The following TCF12 variants were observed in gnomAD, a reference collection of about 807,000 sequenced individuals.
TCF12 encodes transcription factor 12.
Under a neutral mutation model 86.0 loss-of-function variants are expected in TCF12, and 45 were observed. The ratio of observed to expected loss-of-function variants is 0.52; its 90% CI spans 0.41 to 0.67. The LOEUF is 0.67. Ranked by LOEUF, TCF12 falls within the 30% of genes least tolerant of loss-of-function variation. The pLI, the probability that TCF12 is intolerant of heterozygous loss-of-function variation, is 0.00. For missense variants in TCF12, 881 were observed against 859.9 expected (o/e 1.02, Z -0.31); for synonymous variants, 330 against 299.6 (o/e 1.10, Z -1.05).
chr15:57,247,296 C>G (rs2151988758), intron 13 of TCF12: 1 of 656,632 alleles, frequency 1.5e-6, no homozygotes, highest in Non-Finnish European at 2.8e-6. Flanking sequence ...CTGCTGCCAC[C>G]ACCTTCACCA....
intron 9 of TCF12, among the ~76,000 whole-genome samples, chr15:57,231,559 T>C (rs942571152): frequency 2.6e-5 from 4 of 152,168 alleles, no homozygotes; most frequent in Admixed American, 2.6e-4. Flanking sequence ...ATGAAAACTG[T>C]TAACTCTAGT....
At chr15:57,276,159 A>G (rs148535209) in intron 19 of TCF12, among the ~76,000 whole-genome samples, 27 of 152,342 alleles carry the variant, frequency 1.8e-4, no homozygotes, top group African/African-American at 5.5e-4. Context: ...TGAGAGAACT[A>G]TTAGATTTTC....
intron 5 of TCF12, among the ~76,000 whole-genome samples, chr15:57,136,259 A>G (rs1261084821): frequency 6.6e-6 from 1 of 152,242 alleles, no homozygotes; most frequent in Non-Finnish European, 1.5e-5. Flanking sequence ...TACCTAGGAC[A>G]TACACAGAAG....
intron 3 of TCF12, among the ~76,000 whole-genome samples, chr15:56,925,401 A>T (rs1421022718): frequency 6.6e-6 from 1 of 152,166 alleles, no homozygotes; most frequent in African/African-American, 2.4e-5. Context: ...ACACAAATTC[A>T]AGTTTCTGTC....
In TCF12 at chr15:57,073,215, C is replaced by T. The variant is rs144717919; in HGVS notation, c.222+9392C>T. 3.5e-4 allele frequency among the ~76,000 whole-genome samples: 53 copies of T among 152,236 alleles called. No individual in the cohort carries two copies. In the East Asian group the frequency reaches 9.7e-3, roughly 28 times the overall value. On this transcript the variant is annotated intron_variant, in intron 4 of 20. Coordinates refer to ENST00000333725, the MANE Select transcript of TCF12 (RefSeq NM_207037.2). ...ACATCTTGATCAGGACTGATCTAAT[C>T]TTTATAGTTTTCTTTTTTAATCTTC...
intron 6 of TCF12, among the ~76,000 whole-genome samples, chr15:57,169,024 C>T (rs2151558510): frequency 6.6e-6 from 1 of 152,130 alleles, no homozygotes; most frequent in East Asian, 1.9e-4. Context: ...CCAATCTGGG[C>T]AACAGAGGGA....
intron 3 of TCF12, among the ~76,000 whole-genome samples, chr15:56,983,234 T>G (rs1241869462): frequency 2.0e-5 from 3 of 152,204 alleles, no homozygotes. Flanking sequence ...TAGTCCACTG[T>G]AAGCCTCTCT....
intron 5 of TCF12, among the ~76,000 whole-genome samples, chr15:57,141,827 CAG>C (rs1220555821): frequency 3.3e-5 from 5 of 152,100 alleles, no homozygotes; most frequent in South Asian, 2.1e-4. Flanking sequence ...TGGCGGGACA[CAG>C]GGGCAGTTGC....
chr15:57,231,669 G>T (rs1016421047), intron 9 of TCF12, among the ~76,000 whole-genome samples: 79 of 152,076 alleles, frequency 5.2e-4, no homozygotes, highest in Non-Finnish European at 1.5e-4. Context: ...GAGAGAAAAA[G>T]TGTTGCATTT....
chr15:57,219,598 T>C, intron 8 of TCF12: 1 of 1,609,602 alleles, frequency 6.2e-7, no homozygotes, highest in Non-Finnish European at 8.5e-7. Flanking sequence ...ACGGTAAGCC[T>C]TTTTCTTTGT....
At chr15:57,219,637 A>G in intron 8 of TCF12, 1 of 1,578,722 alleles carries the variant, frequency 6.3e-7, no homozygotes, top group Non-Finnish European at 8.7e-7. Context: ...GTTTAAAGGA[A>G]AGCAGTATAC....
At chr15:56,979,269 A>G (rs2062768125) in intron 3 of TCF12, among the ~76,000 whole-genome samples, 1 of 152,304 alleles carries the variant, frequency 6.6e-6, no homozygotes, top group Admixed American at 6.5e-5. Flanking sequence ...ATGTTATTTG[A>G]AATTTTCATA....
At chr15:57,261,574 A>G (rs1250369327) in intron 16 of TCF12, among the ~76,000 whole-genome samples, 4 of 152,178 alleles carry the variant, frequency 2.6e-5, no homozygotes, top group African/African-American at 7.2e-5. Context: ...TTAATCTTCT[A>G]GTTGACACGT....
At chr15:57,284,657 A>G (rs2061855016) in intron 20 of TCF12, among the ~76,000 whole-genome samples, 1 of 152,248 alleles carries the variant, frequency 6.6e-6, no homozygotes, top group African/African-American at 2.4e-5. Context: ...AGCTGTGAAA[A>G]AGAGCACTAG....
intron 3 of TCF12, among the ~76,000 whole-genome samples, chr15:57,061,777 A>G (rs138826178): frequency 1.3e-5 from 2 of 152,212 alleles, no homozygotes; most frequent in East Asian, 1.9e-4. Flanking sequence ...TTAAAATACA[A>G]CTTTTCATAA....
At chr15:57,016,095 C>T (rs1019937981) in intron 3 of TCF12, among the ~76,000 whole-genome samples, 1 of 152,076 alleles carries the variant, frequency 6.6e-6, no homozygotes, top group Non-Finnish European at 1.5e-5. Flanking sequence ...TTACGTGTAC[C>T]CTGCAGGTAG....
At chr15:57,207,677 CA>C (rs1566916669) in intron 8 of TCF12, among the ~76,000 whole-genome samples, 1 of 152,072 alleles carries the variant, frequency 6.6e-6, no homozygotes, top group East Asian at 1.9e-4. Context: ...AACTCCGTCT[CA>C]AAAAACAACA....
chr15:56,941,632 C>T (rs957353255), intron 3 of TCF12, among the ~76,000 whole-genome samples: 2 of 151,646 alleles, frequency 1.3e-5, no homozygotes, highest in African/African-American at 4.8e-5. Flanking sequence ...TCCTCGGCCT[C>T]CCAAAGTGCT....
chr15:57,096,693 T>C (rs1567413934), intron 5 of TCF12, among the ~76,000 whole-genome samples: 1 of 152,216 alleles, frequency 6.6e-6, no homozygotes, highest in Non-Finnish European at 1.5e-5. Flanking sequence ...TCTGTATACA[T>C]TCGGCACAGA....
Sources: allele counts gnomAD v4.1 joint callset (sites outside exome capture counted in the v4.1 genomes callset), GRCh38; gene constraint gnomAD v4.1.1; transcripts MANE v1.5; gene names NCBI Gene and HGNC (gene_info 2026-07-23, HGNC 2026-07-21).